The following PRPF18 variants were observed in gnomAD, a reference collection of about 807,000 sequenced individuals.
The protein encoded by PRPF18 is pre-mRNA-splicing factor 18.
In PRPF18, 38 loss-of-function variants were observed where a neutral mutation model predicts 46.5. That is an observed-to-expected ratio of 0.82 (90% CI 0.63 to 1.07). The LOEUF (loss-of-function observed/expected upper bound fraction) is 1.07, where lower values mean the gene tolerates loss of function less well. PRPF18 is among the 50% of genes least tolerant of loss of function. PRPF18 has a pLI of 0.00. For missense variants in PRPF18, 263 were observed against 410.0 expected (o/e 0.64, Z 3.10); for synonymous variants, 152 against 146.7 (o/e 1.04, Z -0.26).
chr10:13,588,235 C>G (rs367849677), intron 1 of PRPF18, among the ~76,000 whole-genome samples: 4 of 152,144 alleles, frequency 2.6e-5, no homozygotes, highest in South Asian at 4.2e-4. Flanking sequence ...GGTGAAACCC[C>G]GTCTCTACTA....
chr10:13,655,893 G>A, the PRPF18 span: 1 of 152,028 alleles, frequency 6.6e-6, no homozygotes, highest in Non-Finnish European at 1.5e-5. Flanking sequence ...GCTCAATGTT[G>A]GTCATTGTCA....
chr10:13,634,842 T>C (rs2080622379), downstream of PRPF18, among the ~76,000 whole-genome samples: 1 of 152,234 alleles, frequency 6.6e-6, no homozygotes, highest in African/African-American at 2.4e-5. Context: ...AACTCATTAA[T>C]GTATGGTGGT....
At chr10:13,588,927 G>T (rs1327907531) in intron 1 of PRPF18, among the ~76,000 whole-genome samples, 1 of 152,172 alleles carries the variant, frequency 6.6e-6, no homozygotes, top group Non-Finnish European at 1.5e-5. Flanking sequence ...TACCATATTA[G>T]AAGTTAAAAC....
At chr10:13,636,136 G>A in the PRPF18 span, among the ~76,000 whole-genome samples, 3 of 152,152 alleles carry the variant, frequency 2.0e-5, no homozygotes, top group Non-Finnish European at 4.4e-5. Flanking sequence ...TACGAGATAG[G>A]TTTGGCTGGG....
At chr10:13,634,935 G>A (rs1339606607), downstream of PRPF18, among the ~76,000 whole-genome samples, 1 of 152,088 alleles carries the variant, frequency 6.6e-6, no homozygotes, top group East Asian at 1.9e-4. Flanking sequence ...GGATGTGCAG[G>A]TTTGTTGCAT....
rs1252242476 is a variant in PRPF18, at chr10:13,604,360, A to G, written c.250-1271A>G. ...TTTCTTTCTTCCTTTTTAAAATGACATACATAGCATGTATATAAAGTGTAT... is the reference window on the plus strand; with the variant it reads ...TTTCTTTCTTCCTTTTTAAAATGACGTACATAGCATGTATATAAAGTGTAT... On this transcript the variant is annotated intron_variant, in intron 3 of 9. Coordinates refer to ENST00000378572, the MANE Select transcript of PRPF18 (RefSeq NM_003675.4). Among the ~76,000 whole-genome samples, 4 of 152,220 alleles carry G rather than the reference A, an allele frequency of 2.6e-5. No individual in the cohort carries two copies. The South Asian group carries it at 6.2e-4, about 24-fold the overall frequency.
chr10:13,612,045 A>G (rs1026746444), intron 6 of PRPF18, among the ~76,000 whole-genome samples: 2 of 151,478 alleles, frequency 1.3e-5, no homozygotes, highest in South Asian at 2.1e-4. Context: ...ATGCTTGGCT[A>G]ATTTTTGTAT....
chr10:13,628,700 G>A (rs1007151348), intron 9 of PRPF18, among the ~76,000 whole-genome samples: 2 of 152,028 alleles, frequency 1.3e-5, no homozygotes, highest in African/African-American at 4.8e-5. Flanking sequence ...GGATTTTTGT[G>A]TTGTTTGTTT....
intron 1 of PRPF18, among the ~76,000 whole-genome samples, chr10:13,590,947 C>T (rs536739464): frequency 6.6e-6 from 1 of 152,316 alleles, no homozygotes; most frequent in African/African-American, 2.4e-5. Flanking sequence ...ATTAGACTAA[C>T]ATGATTTATA....
At chr10:13,588,834 T>G (rs2079915929) in intron 1 of PRPF18, among the ~76,000 whole-genome samples, 1 of 152,220 alleles carries the variant, frequency 6.6e-6, no homozygotes, top group Non-Finnish European at 1.5e-5. Flanking sequence ...CTCAAAGCTT[T>G]TGGTCTCAGG....
intron 9 of PRPF18, among the ~76,000 whole-genome samples, chr10:13,626,483 C>A (rs1386716811): frequency 6.6e-6 from 1 of 151,992 alleles, no homozygotes; most frequent in Non-Finnish European, 1.5e-5. Flanking sequence ...TAAGGAAAAC[C>A]CTGAATATTG....
Position 13,587,154 on chromosome 10 carries a change from T to G in PRPF18, c.66+2T>G. ...GTGGAGGACAGGAACCTGCTGGTGG[T>G]GAGGACCCTGCGGTCGTGGGGGTCG... On this transcript the variant is annotated splice_donor_variant, in intron 1 of 9. Coordinates refer to ENST00000378572, the MANE Select transcript of PRPF18 (RefSeq NM_003675.4). LOFTEE classifies it high-confidence loss of function. 1 of 1,612,690 alleles carries G rather than the reference T, an allele frequency of 6.2e-7. No individual in the cohort carries two copies.
intron 3 of PRPF18, 24 bp downstream of exon 3, chr10:13,600,372 A>T: frequency 6.5e-7 from 1 of 1,540,852 alleles, no homozygotes; most frequent in Non-Finnish European, 8.9e-7. Flanking sequence ...TGATGGTTTC[A>T]TGAGAATAAG....
chr10:13,592,161 C>G (rs2079973149), intron 1 of PRPF18: 1 of 616,792 alleles, frequency 1.6e-6, no homozygotes, highest in African/African-American at 1.9e-5. Flanking sequence ...GGAATACCTG[C>G]CAATTCCTCT....
At chr10:13,603,456 C>G (rs576566549) in intron 3 of PRPF18, among the ~76,000 whole-genome samples, 2 of 152,294 alleles carry the variant, frequency 1.3e-5, no homozygotes, top group South Asian at 2.1e-4. Flanking sequence ...TGAGAGTTAG[C>G]TATTTAAACT....
At chr10:13,594,720 G>C (rs1460991447) in intron 1 of PRPF18, among the ~76,000 whole-genome samples, 1 of 152,162 alleles carries the variant, frequency 6.6e-6, no homozygotes, top group Non-Finnish European at 1.5e-5. Context: ...TCCTGGTGGT[G>C]GGTACAAGTT....
In PRPF18 at chr10:13,607,271, T is replaced by C. The variant is rs575879439; in HGVS notation, c.363+1527T>C. ...TCATTTTAAAAATAAACTTGTCTTT[T>C]TGTAAATGGATTATAGGAATTCTTT... On this transcript the variant is annotated intron_variant, in intron 4 of 9. Coordinates refer to ENST00000378572, the MANE Select transcript of PRPF18 (RefSeq NM_003675.4). Among the ~76,000 whole-genome samples the C allele has an allele frequency of 2.6e-5, 4 of 152,230 alleles. No homozygotes were observed. In the South Asian group the frequency reaches 8.3e-4, roughly 32 times the overall value.
At chr10:13,614,115 G>A in intron 8 of PRPF18, 29 bp downstream of exon 8, 2 of 1,485,210 alleles carry the variant, frequency 1.3e-6, no homozygotes, top group Non-Finnish European at 1.8e-6. Context: ...CTTTGAAATT[G>A]TTAAGAGTAT....
At chr10:13,651,923 G>T in the PRPF18 span, 4 of 1,585,320 alleles carry the variant, frequency 2.5e-6, no homozygotes, top group South Asian at 4.4e-5. Flanking sequence ...CAGTACTTTG[G>T]TGAGGTGGAG....
Sources: allele counts gnomAD v4.1 joint callset (sites outside exome capture counted in the v4.1 genomes callset), GRCh38; gene constraint gnomAD v4.1.1; transcripts MANE v1.5; gene names NCBI Gene and HGNC (gene_info 2026-07-23, HGNC 2026-07-21).